OR51B5: variants seen among roughly 807,000 people sequenced by gnomAD.
OR51B5 encodes the protein olfactory receptor 51B5.
For missense variants in OR51B5, 456 were observed against 374.6 expected (o/e 1.22, Z -1.79); for synonymous variants, 186 against 144.8 (o/e 1.28, Z -2.04).
At chr11:5,389,786 A>C in intron 1 of OR51B5, 2 of 1,613,990 alleles carry the variant, frequency 1.2e-6, no homozygotes, top group Non-Finnish European at 1.7e-6. Context: ...GCTCCTCATG[A>C]TGTCCTTTGA....
intron 1 of OR51B5, among the ~76,000 whole-genome samples, chr11:5,418,582 C>T (rs1012734344): frequency 3.3e-5 from 5 of 152,098 alleles, no homozygotes; most frequent in African/African-American, 1.2e-4. Flanking sequence ...CTTGCAGGGA[C>T]ATGCATGAAG....
intron 1 of OR51B5, among the ~76,000 whole-genome samples, chr11:5,395,001 A>T (rs529269147): frequency 6.6e-6 from 1 of 152,230 alleles, no homozygotes; most frequent in South Asian, 2.1e-4. Flanking sequence ...CACCCAATAA[A>T]TTTTCTTATG....
chr11:5,371,502 G>C (rs1849447397), intron 1 of OR51B5, among the ~76,000 whole-genome samples: 1 of 151,996 alleles, frequency 6.6e-6, no homozygotes, highest in South Asian at 2.1e-4. Flanking sequence ...ATTAAAAATA[G>C]AGAAAAACAT....
chr11:5,482,559 G>A (rs1479421395), intron 1 of OR51B5, among the ~76,000 whole-genome samples: 1 of 118,034 alleles, frequency 8.5e-6, no homozygotes, highest in Non-Finnish European at 1.7e-5. Flanking sequence ...TACCATCAGA[G>A]TGAACAGACA....
chr11:5,491,227 A>G (rs989896767), intron 1 of OR51B5, among the ~76,000 whole-genome samples: 2 of 152,242 alleles, frequency 1.3e-5, no homozygotes, highest in Non-Finnish European at 2.9e-5. Flanking sequence ...TTGTTTATTC[A>G]TATTACACTG....
chr11:5,347,403 C>A (rs910914242), upstream of OR51B5, among the ~76,000 whole-genome samples: 1 of 152,212 alleles, frequency 6.6e-6, no homozygotes, highest in Non-Finnish European at 1.5e-5. Flanking sequence ...CGTGAACGCA[C>A]ATTCTGCAGT....
chr11:5,378,757 A>G (rs983516324), intron 1 of OR51B5, among the ~76,000 whole-genome samples: 1 of 152,048 alleles, frequency 6.6e-6, no homozygotes, highest in African/African-American at 2.4e-5. Context: ...CAAAACCACA[A>G]TGAGATACCA....
intron 1 of OR51B5, among the ~76,000 whole-genome samples, chr11:5,394,122 A>G (rs1849835002): frequency 1.3e-5 from 2 of 152,188 alleles, no homozygotes; most frequent in African/African-American, 2.4e-5. Context: ...AAAACTCAGT[A>G]GAAGGTACTG....
chr11:5,504,499 G>A (rs570625634), intron 1 of OR51B5, among the ~76,000 whole-genome samples: 1 of 152,232 alleles, frequency 6.6e-6, no homozygotes, highest in South Asian at 2.1e-4. Context: ...ATTTGATCTT[G>A]GGCCATGGCT....
Position 5,465,831 on chromosome 11 carries a change from G to C in OR51B5, n.84+39738C>G, listed in dbSNP as rs185185375. Among the ~76,000 whole-genome samples, 1,382 of 149,790 alleles carry C rather than the reference G, an allele frequency of 9.2e-3. 24 individuals carry two copies. Among genetic ancestry groups the C allele is most frequent in the African/African-American group, 0.031 (1,258 of 40,496 alleles). ...TTCAAGATGGATTAAAGACTTAAAC[G>C]TTAGACCTAAAACCATAAAAACCCT... On this transcript the variant is annotated intron_variant and non_coding_transcript_variant, in intron 1 of 4. Transcript: ENST00000415970.
At chr11:5,448,625 T>C (rs1850803841) in intron 1 of OR51B5, among the ~76,000 whole-genome samples, 1 of 152,140 alleles carries the variant, frequency 6.6e-6, no homozygotes, top group African/African-American at 2.4e-5. Context: ...CTTCTAAGAA[T>C]AACCTATGAA....
intron 1 of OR51B5, among the ~76,000 whole-genome samples, chr11:5,504,290 G>A (rs551488509): frequency 2.0e-5 from 3 of 152,158 alleles, no homozygotes; most frequent in Non-Finnish European, 4.4e-5. Flanking sequence ...CTAGCTAATT[G>A]TTATCCACAT....
intron 1 of OR51B5, among the ~76,000 whole-genome samples, chr11:5,504,398 A>G (rs1178557176): frequency 1.3e-5 from 2 of 152,214 alleles, no homozygotes. Context: ...GGAAAGGGCC[A>G]TGCAGTAGGC....
At chr11:5,390,248 A>G in intron 1 of OR51B5, 9 of 1,611,426 alleles carry the variant, frequency 5.6e-6, no homozygotes, top group East Asian at 2.2e-5. Flanking sequence ...CCCACCTGCT[A>G]TTCATCTTCT....
At chr11:5,414,422 A>T (rs1041781011) in intron 1 of OR51B5, among the ~76,000 whole-genome samples, 21 of 150,656 alleles carry the variant, frequency 1.4e-4, no homozygotes, top group Non-Finnish European at 7.4e-5. Context: ...GATCAAATTC[A>T]CACATAACAA....
At chr11:5,442,207 C>A (rs1323710219) in intron 1 of OR51B5, among the ~76,000 whole-genome samples, 4 of 152,130 alleles carry the variant, frequency 2.6e-5, no homozygotes, top group Non-Finnish European at 5.9e-5. Context: ...TAGTAAACTG[C>A]AACCTTTAAT....
At chr11:5,345,880 A>G (rs1848982519), upstream of OR51B5, 1 of 152,178 alleles carries the variant, frequency 6.6e-6, no homozygotes, top group African/African-American at 2.4e-5. Context: ...ATTTTTCAGC[A>G]TCCATATTCT....
At chr11:5,483,774 C>G (rs1851461406) in intron 1 of OR51B5, among the ~76,000 whole-genome samples, 1 of 152,120 alleles carries the variant, frequency 6.6e-6, no homozygotes. Flanking sequence ...GGTTTTCCCA[C>G]CTGCACATCA....
chr11:5,345,815 G>T (rs1246492511), upstream of OR51B5: 3 of 152,112 alleles, frequency 2.0e-5, no homozygotes, highest in African/African-American at 7.2e-5. Context: ...TAGTTTCAGT[G>T]AAGAGATGCC....
Sources: allele counts gnomAD v4.1 joint callset (sites outside exome capture counted in the v4.1 genomes callset), GRCh38; gene constraint gnomAD v4.1.1; transcripts MANE v1.5; gene names NCBI Gene and HGNC (gene_info 2026-07-23, HGNC 2026-07-21).